CPE: variants seen among roughly 807,000 people sequenced by gnomAD.
CPE encodes the protein carbocypeptidase E.
In CPE, 17 loss-of-function variants were observed where a neutral mutation model predicts 53.5. That is an observed-to-expected ratio of 0.32 (90% CI 0.22 to 0.48). The LOEUF (loss-of-function observed/expected upper bound fraction) is 0.48. CPE is among the 20% of genes least tolerant of loss of function. The pLI, the probability that CPE is intolerant of heterozygous loss-of-function variation, is 0.99. For synonymous variants in CPE, 226 were observed against 228.8 expected, an observed-to-expected ratio of 0.99 and a Z score of 0.11; for missense variants, 524 against 614.7, an observed-to-expected ratio of 0.85 and a Z score of 1.56.
chr4:165,467,815 T>A lies in CPE; in HGVS notation c.632T>A (p.Leu211Gln), dbSNP rs769446692. Residue 211 changes from leucine (L) to glutamine (Q), a missense_variant, in exon 3 of 9, where the codon CTG (leucine) becomes CAG (glutamine). Physicochemically the swap from Leu to Gln is moderately radical, Grantham distance 113. Coordinates refer to ENST00000402744, the MANE Select transcript of CPE (RefSeq NM_001873.4). Reference sequence around the variant, plus strand: ...AAAGAAGGTGGTCCAAATAATCATCTGTTGAAAAATATGAAGAAAATTGTG... The same window carrying A: ...AAAGAAGGTGGTCCAAATAATCATCAGTTGAAAAATATGAAGAAAATTGTG... Reference protein sequence around the residue: ...NEKEGGPNNHLLKNMKKIVDQ... With the variant: ...NEKEGGPNNHQLKNMKKIVDQ... The A allele has an allele frequency of 6.2e-7, 1 of 1,613,794 alleles. No homozygotes were observed. The highest frequency in any genetic ancestry group is 8.5e-7 in the Non-Finnish European group (1 of 1,179,816).
chr4:165,381,106 C>T (rs954752934), intron 1 of CPE, among the ~76,000 whole-genome samples: 33 of 152,222 alleles, frequency 2.2e-4, no homozygotes, highest in Middle Eastern at 3.4e-3. Flanking sequence ...GTTGTTACTT[C>T]AAGAGATTAT....
At chr4:165,459,670 TGGGTGGGGGGGG>T (rs1731959729) in intron 1 of CPE, among the ~76,000 whole-genome samples, 1 of 21,132 alleles carries the variant, frequency 4.7e-5, no homozygotes, top group Non-Finnish European at 8.9e-5. Context: ...TTGGGAGGGC[TGGGTGGGGGGGG>T]GCGGGGCAGA....
In CPE at chr4:165,459,679, G is replaced by C. The variant is rs561825933; in HGVS notation, c.308-4711G>C. ...AGCACTTTGGGAGGGCTGGGTGGGGGGGGGCGGGGCAGATCATGAGGTCAG... is the reference window on the plus strand; with the variant it reads ...AGCACTTTGGGAGGGCTGGGTGGGGCGGGGCGGGGCAGATCATGAGGTCAG... On this transcript the variant is annotated intron_variant, in intron 1 of 8. Coordinates refer to ENST00000402744, the MANE Select transcript of CPE (RefSeq NM_001873.4). Among the ~76,000 whole-genome samples, 10 of 131,034 alleles carry C rather than the reference G, an allele frequency of 7.6e-5. No individual in the cohort carries two copies. In the East Asian group the frequency reaches 2.3e-3, roughly 30 times the overall value. The allele number at this position is 131,034 out of a possible 152,430, so 86.0% of individuals were successfully genotyped here.
intron 1 of CPE, among the ~76,000 whole-genome samples, chr4:165,437,797 G>T (rs545625837): frequency 6.6e-6 from 1 of 152,158 alleles, no homozygotes; most frequent in African/African-American, 2.4e-5. Context: ...CATCTGAGCT[G>T]AATCTTGAAG....
intron 6 of CPE, among the ~76,000 whole-genome samples, chr4:165,489,145 AT>A (rs1039200776): frequency 6.6e-5 from 10 of 152,218 alleles, no homozygotes; most frequent in Non-Finnish European, 1.3e-4. Context: ...GGAGAGCCGT[AT>A]TTGGATGGAT....
Position 165,379,509 on chromosome 4 carries a change from C to A in CPE, c.288C>A (p.Asn96Lys). 6.3e-7 allele frequency: 1 copy of A among 1,591,822 alleles called. No individual in the cohort carries two copies. Among genetic ancestry groups the A allele is most frequent in the East Asian group, 2.3e-5 (1 of 44,226 alleles). Residue 96 changes from asparagine (N) to lysine (K), a missense_variant, in exon 1 of 9, where the codon AAC becomes AAA. Asn to Lys is a moderately conservative substitution (Grantham distance 94, BLOSUM62 0). Transcript: ENST00000402744. The surrounding 1 kb of genome is among the most constrained non-coding windows in gnomAD (Gnocchi z 6.0). ...TCCTGGTCATCGAGCTGTCCGACAACCCTGGCGTCCATGAGCCTGGTAAGG... is the reference window on the plus strand; with the variant it reads ...TCCTGGTCATCGAGCTGTCCGACAAACCTGGCGTCCATGAGCCTGGTAAGG... ...RELLVIELSDNPGVHEPGEPE... is the reference protein window; with the variant it reads ...RELLVIELSDKPGVHEPGEPE...
At chr4:165,380,838 A>G (rs906773856) in intron 1 of CPE, among the ~76,000 whole-genome samples, 3 of 152,216 alleles carry the variant, frequency 2.0e-5, no homozygotes, top group African/African-American at 4.8e-5. Flanking sequence ...ATCCTAGAAA[A>G]CATTTAATAT....
intron 1 of CPE, among the ~76,000 whole-genome samples, chr4:165,452,738 T>C (rs527817650): frequency 2.0e-5 from 3 of 152,200 alleles, no homozygotes; most frequent in Non-Finnish European, 2.9e-5. Flanking sequence ...ACCAGTCTGC[T>C]GGCATCATTG....
Position 165,495,677 on chromosome 4 carries a change from G to T in CPE, c.1332G>T (p.Gly444=). Residue 444 remains glycine, a splice_region_variant and synonymous_variant, in exon 8 of 9, where the codon GGG becomes GGT. Coordinates refer to ENST00000402744, the MANE Select transcript of CPE (RefSeq NM_001873.4). ...CAGTTCCTTACAGCCCTGCTGCTGG[G>T]GTAAGTAATCATAATAATAGCCAAA... ...KVAVPYSPAA[G]VDFELESFSE... 6.3e-7 allele frequency: 1 copy of T among 1,592,096 alleles called. No individual in the cohort carries two copies. The highest frequency in any genetic ancestry group is 8.6e-7 in the Non-Finnish European group (1 of 1,164,272).
chr4:165,482,321 A>G lies in CPE; in HGVS notation c.752A>G (p.Asp251Gly), dbSNP rs1035007938. The G allele has an allele frequency of 2.9e-5, 47 of 1,613,710 alleles. No individual in the cohort carries two copies. The highest frequency in any genetic ancestry group is 3.4e-5 in the Non-Finnish European group (40 of 1,179,822). ...FVLSANLHGGDLVANYPYDET... is the reference protein window; with the variant it reads ...FVLSANLHGGGLVANYPYDET... ...CTTTCTGCCAATCTCCATGGAGGAG[A>G]CCTTGTGGCCAATTATCCATATGAT... Residue 251 changes from aspartate to glycine, a missense_variant, in exon 4 of 9, where the codon GAC (aspartate) becomes GGC (glycine). Asp to Gly is a moderately conservative substitution (Grantham distance 94). Coordinates refer to ENST00000402744, the MANE Select transcript of CPE (RefSeq NM_001873.4).
In CPE at chr4:165,379,959, G is replaced by A. The variant is rs1462459661; in HGVS notation, c.307+431G>A. 6.6e-6 allele frequency among the ~76,000 whole-genome samples: 1 copy of A among 152,252 alleles called. No homozygotes were observed. The highest frequency in any genetic ancestry group is 2.4e-5 in the African/African-American group (1 of 41,472). ...GCAAGGGGGGTTGGTCTTCCTTGCT[G>A]ACAAGAGTAGAAAGATAAGGTGCAG... On this transcript the variant is annotated intron_variant, in intron 1 of 8. Coordinates refer to ENST00000402744, the MANE Select transcript of CPE (RefSeq NM_001873.4). This position sits in a 1 kb window ranked among gnomAD's most constrained non-coding sequence, Gnocchi z 6.0.
intron 1 of CPE, among the ~76,000 whole-genome samples, chr4:165,418,871 T>C (rs949398980): frequency 3.3e-5 from 5 of 152,152 alleles, no homozygotes; most frequent in Non-Finnish European, 7.4e-5. Context: ...TGAGAAAATA[T>C]AGCAGGGAAA....
intron 1 of CPE, among the ~76,000 whole-genome samples, chr4:165,442,183 C>G (rs1731626751): frequency 6.6e-6 from 1 of 151,804 alleles, no homozygotes. Flanking sequence ...GCTGGGACTA[C>G]AGGTGGATGC....
rs369395209 is a variant in CPE, at chr4:165,465,692, G to A, written c.504+1106G>A. ...CATTAGTTAAATGAAGAGTTTAAACGGGAGAGAAATTCCTCAAATCATAAA... is the reference window on the plus strand; with the variant it reads ...CATTAGTTAAATGAAGAGTTTAAACAGGAGAGAAATTCCTCAAATCATAAA... On this transcript the variant is annotated intron_variant, in intron 2 of 8. Transcript: ENST00000402744. 1.2e-4 allele frequency among the ~76,000 whole-genome samples: 18 copies of A among 152,104 alleles called. 2 individuals are homozygous for A. The highest frequency in any genetic ancestry group is 3.3e-4 in the Admixed American group (5 of 15,288).
At chr4:165,387,040 G>GT (rs1202886055) in intron 1 of CPE, among the ~76,000 whole-genome samples, 12 of 152,252 alleles carry the variant, frequency 7.9e-5, no homozygotes, top group Admixed American at 7.8e-4. Context: ...TGGAATTGCC[G>GT]TGAGTCCGTT....
intron 8 of CPE, among the ~76,000 whole-genome samples, chr4:165,496,007 A>T (rs1429922282): frequency 6.6e-6 from 1 of 152,144 alleles, no homozygotes; most frequent in Non-Finnish European, 1.5e-5. Flanking sequence ...GCCTTTCTCA[A>T]TAAGTATTTG....
chr4:165,381,149 A>C, intron 1 of CPE: 1 of 397,522 alleles, frequency 2.5e-6, no homozygotes, highest in Non-Finnish European at 5.0e-6. Flanking sequence ...TTGTTGTTTC[A>C]AATTTGGAAA....
chr4:165,408,094 T>C (rs1730980944), intron 1 of CPE, among the ~76,000 whole-genome samples: 1 of 152,212 alleles, frequency 6.6e-6, no homozygotes, highest in African/African-American at 2.4e-5. Context: ...AAAAATCTTC[T>C]CCCATTCTGT....
intron 1 of CPE, among the ~76,000 whole-genome samples, chr4:165,456,901 C>T (rs1579270228): frequency 6.6e-6 from 1 of 151,882 alleles, no homozygotes; most frequent in African/African-American, 2.4e-5. Context: ...CCACCATGCC[C>T]GGCTAATCTT....
Sources: allele counts gnomAD v4.1 joint callset (sites outside exome capture counted in the v4.1 genomes callset), GRCh38; gene constraint gnomAD v4.1.1; non-coding constraint Gnocchi (gnomAD v3.1); transcripts MANE v1.5; gene names NCBI Gene and HGNC (gene_info 2026-07-23, HGNC 2026-07-21).